CLEC16A: variants seen among roughly 807,000 people sequenced by gnomAD.
CLEC16A encodes C-type lectin domain containing 16A.
Under a neutral mutation model 109.5 loss-of-function variants are expected in CLEC16A, and 51 were observed. The observed-to-expected ratio is 0.47, with a 90% CI of 0.37 to 0.59. CLEC16A has a LOEUF of 0.59. CLEC16A is among the 20% of genes least tolerant of loss of function. The pLI is 0.00. For missense variants in CLEC16A, 1,339 were observed against 1,394.0 expected (o/e 0.96, Z 0.63); for synonymous variants, 673 against 564.2 (o/e 1.19, Z -2.73).
chr16:11,009,724 C>G (rs1043284049), intron 11 of CLEC16A, among the ~76,000 whole-genome samples: 1 of 152,328 alleles, frequency 6.6e-6, no homozygotes, highest in Non-Finnish European at 1.5e-5. Context: ...AGAAAAGAGC[C>G]CACAGTAGCC....
At chr16:11,021,808 T>G (rs1046364435) in intron 12 of CLEC16A, among the ~76,000 whole-genome samples, 3 of 152,184 alleles carry the variant, frequency 2.0e-5, no homozygotes, top group Admixed American at 6.5e-5. Context: ...GAATATCTGC[T>G]GCTGCTTTTA....
intron 9 of CLEC16A, among the ~76,000 whole-genome samples, chr16:10,981,272 G>C (rs1206389757): frequency 6.6e-6 from 1 of 152,198 alleles, no homozygotes; most frequent in Non-Finnish European, 1.5e-5. Flanking sequence ...CACAGTGATT[G>C]GTGTTTTGTG....
chr16:11,020,839 A>T (rs1300977217), intron 12 of CLEC16A, among the ~76,000 whole-genome samples: 1 of 152,212 alleles, frequency 6.6e-6, no homozygotes, highest in Non-Finnish European at 1.5e-5. Flanking sequence ...ATCTGTAGCT[A>T]CATCTTCTTA....
chr16:11,087,742 G>C (rs1201375383), intron 19 of CLEC16A, among the ~76,000 whole-genome samples: 1 of 152,248 alleles, frequency 6.6e-6, no homozygotes, highest in Admixed American at 6.5e-5. Context: ...GACAGATTCT[G>C]CATCTGTTCC....
chr16:11,018,384 C>T (rs2045892575), intron 11 of CLEC16A, among the ~76,000 whole-genome samples: 1 of 151,898 alleles, frequency 6.6e-6, no homozygotes, highest in African/African-American at 2.4e-5. Context: ...ACCCCAGTCA[C>T]ACCTGGCTAG....
intron 13 of CLEC16A, among the ~76,000 whole-genome samples, chr16:11,039,035 C>G (rs2047176159): frequency 6.6e-6 from 1 of 151,890 alleles, no homozygotes; most frequent in Admixed American, 6.6e-5. Context: ...TCTAGTCTCT[C>G]TTTCTCTAGG....
chr16:10,968,212 A>G (rs894165213), intron 3 of CLEC16A, among the ~76,000 whole-genome samples: 1 of 152,240 alleles, frequency 6.6e-6, no homozygotes, highest in African/African-American at 2.4e-5. Flanking sequence ...GCAAGGGCCC[A>G]ACACTGAGAT....
intron 23 of CLEC16A, among the ~76,000 whole-genome samples, chr16:11,167,495 C>T (rs1412137234): frequency 2.6e-5 from 4 of 152,158 alleles, no homozygotes; most frequent in Admixed American, 6.5e-5. Context: ...ACTGCAGAGC[C>T]AGGGAGGTCG....
At chr16:11,043,503 A>T (rs759347161) in intron 15 of CLEC16A, among the ~76,000 whole-genome samples, 1 of 152,118 alleles carries the variant, frequency 6.6e-6, no homozygotes, top group African/African-American at 2.4e-5. Flanking sequence ...TGCCATTACA[A>T]TCGAATTACC....
At chr16:11,108,199 A>C (rs2051339924) in intron 19 of CLEC16A, among the ~76,000 whole-genome samples, 1 of 152,256 alleles carries the variant, frequency 6.6e-6, no homozygotes, top group Non-Finnish European at 1.5e-5. Context: ...GATGGATTCT[A>C]GCATCTGAAA....
chr16:11,134,887 C>G (rs542728733), intron 22 of CLEC16A, among the ~76,000 whole-genome samples: 2 of 152,244 alleles, frequency 1.3e-5, no homozygotes, highest in African/African-American at 4.8e-5. Context: ...CCCTACTCCC[C>G]TCTTCCGTCA....
chr16:10,990,542 G>T (rs548162298), intron 10 of CLEC16A, among the ~76,000 whole-genome samples: 3 of 152,370 alleles, frequency 2.0e-5, no homozygotes. Context: ...GCTAGCCAGA[G>T]AAGGGGCAGG....
chr16:10,961,900 A>T lies in CLEC16A; in HGVS notation c.210-555A>T, dbSNP rs912052522. The stretch of plus-strand genomic sequence containing the variant: ...GGTTTGTCTCACTTTTCTCATGATT[A>T]AACTGGCAGTTAAGGGGAAGAAAAC... On this transcript the variant is annotated intron_variant, in intron 2 of 23. Transcript: ENST00000409790. The surrounding 1 kb of genome is among the most constrained non-coding windows in gnomAD (Gnocchi z 4.3). 3.9e-5 allele frequency among the ~76,000 whole-genome samples: 6 copies of T among 152,082 alleles called. No individual in the cohort carries two copies. Among genetic ancestry groups the T allele is most frequent in the African/African-American group, 1.4e-4 (6 of 41,386 alleles).
At position 11,178,331 on chromosome 16, in the gene CLEC16A, C is replaced by G. The variant is rs202244271; in HGVS notation, c.2807-4C>G. On this transcript the variant is annotated splice_polypyrimidine_tract_variant and splice_region_variant and intron_variant, in intron 23 of 23. Coordinates refer to ENST00000409790, the MANE Select transcript of CLEC16A (RefSeq NM_015226.3). The surrounding 1 kb of genome is among the most constrained non-coding windows in gnomAD (Gnocchi z 6.5). ...GTGTTTCCGGTTTTTCTCCCCCAAT[C>G]CAGATGCCCCCATGAGTCCAGAACT... The G allele has an allele frequency of 2.1e-5, 34 of 1,600,122 alleles. No individual in the cohort carries two copies. The African/African-American group carries it at 4.3e-4, about 20-fold the overall frequency.
At chr16:11,131,217 G>C (rs1331407973) in intron 22 of CLEC16A, among the ~76,000 whole-genome samples, 1 of 152,204 alleles carries the variant, frequency 6.6e-6, no homozygotes, top group Non-Finnish European at 1.5e-5. Context: ...CTGTGGCTTT[G>C]AGTGCCATGT....
intron 22 of CLEC16A, among the ~76,000 whole-genome samples, chr16:11,162,208 G>T (rs900922479): frequency 6.6e-6 from 1 of 152,220 alleles, no homozygotes; most frequent in Non-Finnish European, 1.5e-5. Context: ...TCTGGGCTGC[G>T]CCCCCCGACC....
intron 19 of CLEC16A, among the ~76,000 whole-genome samples, chr16:11,112,506 A>G (rs1170230967): frequency 6.6e-6 from 1 of 151,650 alleles, no homozygotes; most frequent in African/African-American, 2.4e-5. Flanking sequence ...AAAAAAAAAA[A>G]AAAAAAAAAG....
intron 19 of CLEC16A, among the ~76,000 whole-genome samples, chr16:11,073,023 CTCCT>C (rs1314345819): frequency 2.0e-5 from 3 of 152,270 alleles, no homozygotes; most frequent in African/African-American, 7.2e-5. Flanking sequence ...ACCCAGATGG[CTCCT>C]TGGGGGCAAT....
intron 13 of CLEC16A, among the ~76,000 whole-genome samples, chr16:11,035,813 T>G (rs2046984074): frequency 6.6e-6 from 1 of 152,186 alleles, no homozygotes; most frequent in Non-Finnish European, 1.5e-5. Context: ...TTTGTTGTTG[T>G]TTGTTTGTTT....
Sources: gnomAD v4.1 joint callset for allele counts (sites outside exome capture counted in the v4.1 genomes callset) on GRCh38, gnomAD v4.1.1 for gene constraint, Gnocchi (gnomAD v3.1) non-coding constraint, MANE v1.5 for transcripts, NCBI Gene and HGNC (gene_info 2026-07-23, HGNC 2026-07-21) for gene names.